The following EPHA6 variants were observed in gnomAD, a reference collection of about 807,000 sequenced individuals.
EPHA6 encodes EPH receptor A6, also known as ephrin type-A receptor 6.
A neutral mutation model predicts 112.0 loss-of-function variants in EPHA6; 50 were observed. That is an observed-to-expected ratio of 0.45 (90% confidence interval 0.36 to 0.56). The LOEUF is 0.56. EPHA6 is among the 20% of genes least tolerant of loss of function. The pLI is 0.00. For synonymous variants in EPHA6, 529 were observed against 490.7 expected (o/e 1.08, Z -1.03); for missense variants, 1,280 against 1,417.4 (o/e 0.90, Z 1.56).
chr3:97,016,295 A>C (rs530836813), intron 3 of EPHA6, among the ~76,000 whole-genome samples: 1 of 152,162 alleles, frequency 6.6e-6, no homozygotes, highest in African/African-American at 2.4e-5. Flanking sequence ...ATTTGAATGA[A>C]AAAAATCTGA....
chr3:96,976,127 GATA>G (rs1173598983), intron 2 of EPHA6, among the ~76,000 whole-genome samples: 1 of 152,100 alleles, frequency 6.6e-6, no homozygotes, highest in Non-Finnish European at 1.5e-5. Context: ...TTCACAGTTG[GATA>G]ATAAGTTATA....
In EPHA6 at chr3:97,646,280, G is replaced by A. The variant is rs145845838; in HGVS notation, c.2784+8198G>A. ...TGGGAGCCAGTGGCCAGACCAGAAA[G>A]CAATGTGACAAGAGAGATAACCCTC... is the stretch of plus-strand genomic sequence containing the variant. On this transcript the variant is annotated intron_variant, in intron 14 of 17. Coordinates refer to ENST00000389672, the MANE Select transcript of EPHA6 (RefSeq NM_001080448.3). 898 of 1,531,344 alleles carry A rather than the reference G, an allele frequency of 5.9e-4. 11 individuals carry two copies. The East Asian group carries it at 0.019, about 33-fold the overall frequency. The allele number at this position is 1,531,344 out of a possible 1,614,324, so 94.9% of individuals were successfully genotyped here. A position where few individuals can be genotyped will look rare whatever the true frequency, so the allele number is the denominator to read the frequency against.
chr3:97,092,288 G>GATATC (rs1007083363), intron 3 of EPHA6, among the ~76,000 whole-genome samples: 1 of 151,908 alleles, frequency 6.6e-6, no homozygotes, highest in African/African-American at 2.4e-5. Context: ...GAGCAATGGG[G>GATATC]ATATCATAGA....
At chr3:97,554,594 C>T (rs2093076415) in intron 11 of EPHA6, among the ~76,000 whole-genome samples, 2 of 151,992 alleles carry the variant, frequency 1.3e-5, no homozygotes, top group African/African-American at 4.8e-5. Flanking sequence ...CCTTCTATGT[C>T]ATTTTTCCAC....
Position 97,439,666 on chromosome 3 carries a change from A to C in EPHA6, c.1732-8902A>C, listed in dbSNP as rs2090034262. 3 of 992,192 alleles carry C rather than the reference A, an allele frequency of 3.0e-6. No individual in the cohort carries two copies. In the South Asian group the frequency reaches 1.4e-4, roughly 47 times the overall value. 61.5% of individuals were successfully genotyped at this position (992,192 alleles called of 1,614,324 possible). A position where few individuals can be genotyped will look rare whatever the true frequency, so the allele number is the denominator to read the frequency against. On this transcript the variant is annotated intron_variant, in intron 6 of 17. Transcript: ENST00000389672. ...AAACCAGGAAAGCTAAGGTTGTTCA[A>C]CTTCAGTGATGTTTCTTTGTCATGG...
intron 1 of EPHA6, among the ~76,000 whole-genome samples, chr3:96,865,838 G>C (rs1198511365): frequency 6.6e-6 from 1 of 151,810 alleles, no homozygotes. Context: ...GGAGGTAGTA[G>C]TTAAAAATAA....
At chr3:97,724,745 G>A (rs1035500428) in intron 15 of EPHA6, among the ~76,000 whole-genome samples, 8 of 151,824 alleles carry the variant, frequency 5.3e-5, no homozygotes, top group African/African-American at 9.7e-5. Flanking sequence ...AGTGAAGTCC[G>A]GTATCTTTTT....
At chr3:96,948,099 G>T (rs959267184) in intron 2 of EPHA6, among the ~76,000 whole-genome samples, 1 of 152,058 alleles carries the variant, frequency 6.6e-6, no homozygotes, top group African/African-American at 2.4e-5. Flanking sequence ...ACGTATTTTG[G>T]ATATTTTCCC....
At chr3:97,033,822 T>C (rs1315116083) in intron 3 of EPHA6, among the ~76,000 whole-genome samples, 6 of 151,930 alleles carry the variant, frequency 3.9e-5, no homozygotes, top group East Asian at 1.9e-4. Flanking sequence ...TAAAATGCTG[T>C]TATGTCTAAT....
At chr3:97,257,289 A>G (rs2079347650) in intron 5 of EPHA6, among the ~76,000 whole-genome samples, 1 of 151,994 alleles carries the variant, frequency 6.6e-6, no homozygotes, top group Admixed American at 6.6e-5. Flanking sequence ...TGGGAATTTC[A>G]TACATCAAAA....
intron 5 of EPHA6, among the ~76,000 whole-genome samples, chr3:97,258,885 A>G (rs535241750): frequency 7.2e-6 from 1 of 138,736 alleles, no homozygotes; most frequent in South Asian, 2.1e-4. Context: ...ATTCTATATC[A>G]TTCTAAAGAC....
intron 2 of EPHA6, among the ~76,000 whole-genome samples, chr3:96,929,581 C>T (rs2040211210): frequency 2.0e-5 from 3 of 152,174 alleles, no homozygotes; most frequent in Non-Finnish European, 2.9e-5. Context: ...TAGAGTTTCT[C>T]CTGAGAGGTC....
rs961067566 is a variant in EPHA6 at position 97,649,806 on chromosome 3, G to A, written c.2784+11724G>A. ...CACACACACACAACAATAGTTCTAT[G>A]ATAGATGCTATGCTAGTAGTCAATC... On this transcript the variant is annotated intron_variant, in intron 14 of 17. Transcript: ENST00000389672. Among the ~76,000 whole-genome samples, 6 of 151,366 alleles carry A rather than the reference G, an allele frequency of 4.0e-5. No homozygotes were observed. In the East Asian group the frequency reaches 1.2e-3, roughly 29 times the overall value.
chr3:96,975,566 A>T (rs2042488641), intron 2 of EPHA6, among the ~76,000 whole-genome samples: 1 of 152,202 alleles, frequency 6.6e-6, no homozygotes, highest in African/African-American at 2.4e-5. Context: ...AAAAGTTTTG[A>T]TGAATATAAG....
intron 11 of EPHA6, among the ~76,000 whole-genome samples, chr3:97,559,069 G>A (rs1249738059): frequency 2.0e-5 from 3 of 151,972 alleles, no homozygotes; most frequent in African/African-American, 7.2e-5. Flanking sequence ...TGCATAGCAT[G>A]CATAAAGATG....
chr3:97,120,461 A>T (rs1049711217), intron 3 of EPHA6, among the ~76,000 whole-genome samples: 4 of 151,932 alleles, frequency 2.6e-5, no homozygotes, highest in Non-Finnish European at 5.9e-5. Context: ...ACAAAAGCTT[A>T]AAAGTTAACC....
intron 14 of EPHA6, among the ~76,000 whole-genome samples, chr3:97,684,706 C>G (rs868224354): frequency 1.2e-4 from 18 of 152,128 alleles, no homozygotes; most frequent in Middle Eastern, 3.4e-3. Context: ...TTTGAGCATG[C>G]CATAGAGTAC....
intron 11 of EPHA6, among the ~76,000 whole-genome samples, chr3:97,533,505 G>T (rs1348142692): frequency 6.6e-6 from 1 of 152,032 alleles, no homozygotes; most frequent in Non-Finnish European, 1.5e-5. Flanking sequence ...AGACAGAAAA[G>T]AATGCTTCTG....
At chr3:97,237,231 T>C (rs1336681474) in intron 4 of EPHA6, among the ~76,000 whole-genome samples, 4 of 151,848 alleles carry the variant, frequency 2.6e-5, no homozygotes, top group Admixed American at 1.3e-4. Flanking sequence ...ACTTCACTTA[T>C]CATAAAAATA....
Sources: gnomAD v4.1 joint callset for allele counts (sites outside exome capture counted in the v4.1 genomes callset) on GRCh38, gnomAD v4.1.1 for gene constraint, MANE v1.5 for transcripts, NCBI Gene and HGNC (gene_info 2026-07-23, HGNC 2026-07-21) for gene names.